ADCYAP1R1: variants seen among roughly 807,000 people sequenced by gnomAD.
ADCYAP1R1 encodes the protein ADCYAP receptor type I, also known as pituitary adenylate cyclase-activating polypeptide type I receptor.
A neutral mutation model predicts 67.6 loss-of-function variants in ADCYAP1R1; 44 were observed. That is an observed-to-expected ratio of 0.65 (90% confidence interval 0.51 to 0.84). ADCYAP1R1 has a LOEUF of 0.84. ADCYAP1R1 is among the 40% of genes least tolerant of loss of function. ADCYAP1R1 has a pLI of 0.00. For synonymous variants in ADCYAP1R1, 222 were observed against 219.6 expected (o/e 1.01, Z -0.10); for missense variants, 477 against 587.9 (o/e 0.81, Z 1.95).
chr7:31,106,491 T>C lies in ADCYAP1R1; in HGVS notation c.1219-5T>C. 1 of 1,600,688 alleles carries C rather than the reference T, an allele frequency of 6.2e-7. No homozygotes were observed. Among genetic ancestry groups the C allele is most frequent in the Non-Finnish European group, 8.5e-7 (1 of 1,173,082 alleles). On this transcript the variant is annotated splice_region_variant and splice_polypyrimidine_tract_variant and intron_variant, in intron 15 of 15. Transcript: ENST00000304166. ...GGAAGTGACCGCCCAGTTTGCTCCC[T>C]GCAGGTACAAGCGGAGATCAAGCGA...
At chr7:31,092,850 T>C (rs1796022978) in intron 13 of ADCYAP1R1, 115 bp downstream of exon 13, 1 of 703,842 alleles carries the variant, frequency 1.4e-6, no homozygotes, top group African/African-American at 1.8e-5. Context: ...AGCATCAGCA[T>C]TTGCAGATCT....
intron 6 of ADCYAP1R1, among the ~76,000 whole-genome samples, chr7:31,083,767 G>T (rs1278323281): frequency 6.6e-6 from 1 of 152,166 alleles, no homozygotes; most frequent in African/African-American, 2.4e-5. Context: ...ATCCCTAAGG[G>T]CAGGCCTGGA....
chr7:31,095,166 C>T (rs1450907759), intron 13 of ADCYAP1R1, among the ~76,000 whole-genome samples: 2 of 152,212 alleles, frequency 1.3e-5, no homozygotes, highest in Admixed American at 6.5e-5. Flanking sequence ...CACCTGCAAA[C>T]ATCCAGTGAA....
At position 31,070,164 on chromosome 7, in the gene ADCYAP1R1, G is replaced by A. The variant is rs1232049858; in HGVS notation, c.157+5228G>A. Among the ~76,000 whole-genome samples the A allele has an allele frequency of 2.0e-5, 3 of 152,208 alleles. No individual in the cohort carries two copies. The East Asian group carries it at 5.8e-4, about 29-fold the overall frequency. On this transcript the variant is annotated intron_variant, in intron 3 of 15. Coordinates refer to ENST00000304166, the MANE Select transcript of ADCYAP1R1 (RefSeq NM_001118.5). ...GGAGGGACAAAGGACGCCTGTACCT[G>A]GGAATTGGCATCTCCAGGCCACACA...
At chr7:31,087,540 G>A (rs1305161586) in intron 11 of ADCYAP1R1, 87 bp from the exon 12 acceptor site, 2 of 1,208,492 alleles carry the variant, frequency 1.7e-6, no homozygotes, top group Admixed American at 3.5e-5. Flanking sequence ...AAAGTGTCGG[G>A]CACCCAGCTA....
chr7:31,066,729 C>T (rs1027535828), intron 3 of ADCYAP1R1, among the ~76,000 whole-genome samples: 2 of 152,216 alleles, frequency 1.3e-5, no homozygotes, highest in East Asian at 1.9e-4. Context: ...AAAAGCTCCC[C>T]AGGCGATTCT....
chr7:31,095,254 G>A (rs1024001294), intron 13 of ADCYAP1R1, among the ~76,000 whole-genome samples: 5 of 152,186 alleles, frequency 3.3e-5, no homozygotes, highest in African/African-American at 4.8e-5. Context: ...GTGAAGTGAC[G>A]TGAATCCAGG....
rs190420990 is a variant in ADCYAP1R1, at chr7:31,105,003, C to T, written c.1218+94C>T. 329 of 1,293,402 alleles carry T rather than the reference C, an allele frequency of 2.5e-4. 2 individuals carry two copies. In the African/African-American group the frequency reaches 4.5e-3, roughly 18 times the overall value. The allele number at this position is 1,293,402 out of a possible 1,614,324, so 80.1% of individuals were successfully genotyped here. On this transcript the variant is annotated intron_variant, in intron 15 of 15. Transcript: ENST00000304166. ...ACCTGTTGGCCACATGGGACTGACT[C>T]TTCAGAGAGGGCTCTGCCAGGCTCC...
At chr7:31,087,358 G>T (rs1795791994) in intron 11 of ADCYAP1R1, among the ~76,000 whole-genome samples, 1 of 152,244 alleles carries the variant, frequency 6.6e-6, no homozygotes, top group Non-Finnish European at 1.5e-5. Flanking sequence ...TTTCCCAGGA[G>T]CTCACTGGTG....
At chr7:31,069,306 C>T (rs999325103) in intron 3 of ADCYAP1R1, among the ~76,000 whole-genome samples, 6 of 152,164 alleles carry the variant, frequency 3.9e-5, no homozygotes, top group South Asian at 2.1e-4. Flanking sequence ...CGTGCCAGTC[C>T]TCCTGCTGCA....
chr7:31,069,362 C>T (rs899623544), intron 3 of ADCYAP1R1, among the ~76,000 whole-genome samples: 3 of 152,238 alleles, frequency 2.0e-5, no homozygotes, highest in African/African-American at 4.8e-5. Flanking sequence ...CAAGCACACA[C>T]GCCATGCACA....
At chr7:31,056,983 A>G (rs534697823) in intron 1 of ADCYAP1R1, 1 of 152,394 alleles carries the variant, frequency 6.6e-6, no homozygotes, top group East Asian at 1.9e-4. Flanking sequence ...TGCTGTGGGC[A>G]CACGCACGTC....
rs770206447 is a variant in ADCYAP1R1, at chr7:31,086,399, G to T, written c.685G>T (p.Val229Phe). 8 of 1,614,100 alleles carry T rather than the reference G, an allele frequency of 5.0e-6. No individual in the cohort carries two copies. The highest frequency in any genetic ancestry group is 8.5e-7 in the Non-Finnish European group (1 of 1,180,002). Reference protein sequence around the residue: ...CFISTVECKAVMVFFHYCVVS... With the variant: ...CFISTVECKAFMVFFHYCVVS... Reference sequence around the variant, plus strand: ...CTCCCTGCAGGTGGAATGTAAGGCCGTCATGGTTTTCTTCCACTACTGTGT... The same window carrying T: ...CTCCCTGCAGGTGGAATGTAAGGCCTTCATGGTTTTCTTCCACTACTGTGT... Residue 229 changes from valine (V) to phenylalanine (F), a missense_variant, in exon 10 of 16, where the codon GTC (valine) becomes TTC (phenylalanine). Val to Phe is a conservative substitution (Grantham distance 50). Coordinates refer to ENST00000304166, the MANE Select transcript of ADCYAP1R1 (RefSeq NM_001118.5). This position sits in a 1 kb window ranked among gnomAD's most constrained non-coding sequence, Gnocchi z 5.0.
intron 3 of ADCYAP1R1, among the ~76,000 whole-genome samples, chr7:31,068,001 A>C (rs1038573543): frequency 2.0e-5 from 3 of 152,270 alleles, no homozygotes; most frequent in African/African-American, 4.8e-5. Flanking sequence ...CAATCCTGGA[A>C]GCCCCTCTGG....
At chr7:31,062,823 A>C (rs534858228) in intron 1 of ADCYAP1R1, among the ~76,000 whole-genome samples, 11 of 152,348 alleles carry the variant, frequency 7.2e-5, no homozygotes, top group Non-Finnish European at 1.3e-4. Context: ...ACCAGGAAAT[A>C]TCATCTCTAG....
chr7:31,078,162 G>A (rs1204889496), intron 4 of ADCYAP1R1, 64 bp downstream of exon 4: 39 of 1,400,356 alleles, frequency 2.8e-5, no homozygotes, highest in Non-Finnish European at 3.6e-5. Context: ...TCGGCCCCAG[G>A]CAAGCACCAA....
chr7:31,070,389 C>A (rs1562633674), intron 3 of ADCYAP1R1, among the ~76,000 whole-genome samples: 1 of 152,186 alleles, frequency 6.6e-6, no homozygotes. Flanking sequence ...ATGGCAGGGG[C>A]AGCAGAGAGC....
chr7:31,106,683 G>A lies in ADCYAP1R1; in HGVS notation c.1406G>A (p.Ter469=). The change falls in exon 16 of 16, where the codon TGA becomes TAA. Residue 469 remains the stop codon, a stop_retained_variant. Transcript: ENST00000304166. The part of the protein sequence containing the change: ...SGLPADNLAT[*] ...CTCCCTGCTGACAATCTGGCCACCTGAGCCATGCTCCCCTCCTCCTCCTCT... is the reference window on the plus strand; with the variant it reads ...CTCCCTGCTGACAATCTGGCCACCTAAGCCATGCTCCCCTCCTCCTCCTCT... 2 of 1,604,310 alleles carry A rather than the reference G, an allele frequency of 1.2e-6. No homozygotes were observed. The highest frequency in any genetic ancestry group is 1.7e-6 in the Non-Finnish European group (2 of 1,175,242).
In ADCYAP1R1 at chr7:31,087,012, A is replaced by C; in HGVS notation, c.884+9A>C. 6.2e-7 allele frequency: 1 copy of C among 1,614,182 alleles called. No homozygotes were observed. Among genetic ancestry groups the C allele is most frequent in the Non-Finnish European group, 8.5e-7 (1 of 1,180,012 alleles). On this transcript the variant is annotated intron_variant, in intron 11 of 15. Transcript: ENST00000304166. ...TACTTTGATGACACAGGGTTAGTAC[A>C]TGCGCGAGAGTCAGGGCCACAGCAC... is the stretch of plus-strand genomic sequence containing the variant.
Sources: allele counts gnomAD v4.1 joint callset (sites outside exome capture counted in the v4.1 genomes callset), GRCh38; gene constraint gnomAD v4.1.1; non-coding constraint Gnocchi (gnomAD v3.1); transcripts MANE v1.5; gene names NCBI Gene and HGNC (gene_info 2026-07-23, HGNC 2026-07-21).